Variants in ARHGEF9 observed in about 807,000 individuals in gnomAD.
The protein encoded by ARHGEF9 is rho guanine nucleotide exchange factor 9.
In ARHGEF9, 2 loss-of-function variants were observed where a neutral mutation model predicts 41.3. That is an observed-to-expected ratio of 0.05 (90% CI 0.02 to 0.15). ARHGEF9 has a LOEUF of 0.15. Among genes scored for constraint, ARHGEF9 ranks in the 10% least tolerant of loss-of-function variants. The probability of loss-of-function intolerance (pLI) is 1.00; values close to 1 mark genes in which losing one functional copy is unlikely to be tolerated. For missense variants in ARHGEF9, 225 were observed against 424.7 expected, an observed-to-expected ratio of 0.53 and a Z score of 4.13; for synonymous variants, 160 against 154.4, an observed-to-expected ratio of 1.04 and a Z score of -0.27.
intron 1 of ARHGEF9, among the ~76,000 whole-genome samples, chrX:63,753,155 A>T (rs1602710564): frequency 8.9e-6 from 1 of 112,274 alleles, no homozygotes; most frequent in South Asian, 3.7e-4. Context: ...TAACAACAGA[A>T]ACCACCACCA....
chrX:63,694,385 A>G (rs1556385170), intron 4 of ARHGEF9, among the ~76,000 whole-genome samples: 1 of 112,090 alleles, frequency 8.9e-6, no homozygotes, highest in East Asian at 2.8e-4. Context: ...ATGAAAACAT[A>G]TATTCTCAAA....
At chrX:63,682,432 G>A (rs1202096447) in intron 4 of ARHGEF9, among the ~76,000 whole-genome samples, 9 of 109,502 alleles carry the variant, frequency 8.2e-5, no homozygotes, top group East Asian at 2.9e-4. Context: ...GGAGAATGGC[G>A]TGAACCCAGG....
intron 8 of ARHGEF9, among the ~76,000 whole-genome samples, chrX:63,648,378 T>A (rs1359481575): frequency 9.0e-6 from 1 of 110,877 alleles, no homozygotes; most frequent in East Asian, 2.9e-4. Context: ...AGAAATAAAA[T>A]CCTTTACAGA....
chrX:63,773,943 T>C (rs1161535607), intron 1 of ARHGEF9, among the ~76,000 whole-genome samples: 3 of 110,535 alleles, frequency 2.7e-5, no homozygotes, highest in African/African-American at 9.9e-5. Context: ...CAGGCCTTCA[T>C]ACTAGGGCTA....
chrX:63,755,277 A>G (rs1556445932), intron 1 of ARHGEF9: 6 of 911,302 alleles, frequency 6.6e-6, no homozygotes, highest in Non-Finnish European at 4.1e-6. Context: ...CTGGCGTGCT[A>G]GCCGCGACCG....
At chrX:63,757,864 AAAAACCAAAAAAAC>A (rs2055962619) in intron 1 of ARHGEF9, among the ~76,000 whole-genome samples, 1 of 112,444 alleles carries the variant, frequency 8.9e-6, no homozygotes, top group South Asian at 3.7e-4. Context: ...CTGAAAAGCT[AAAAACCAAAAAAAC>A]TACAACAACA....
rs1465888844 is a variant in ARHGEF9 at position 63,636,153 on chromosome X, T to C, written c.*1875A>G. 15 of 112,130 alleles carry C rather than the reference T, an allele frequency of 1.3e-4. No homozygotes were observed. The highest frequency in any genetic ancestry group is 1.1e-3 in the Admixed American group (12 of 10,588). 9.2% of individuals were successfully genotyped at this position (112,130 alleles called of 1,213,427 possible). On this transcript the variant is annotated 3_prime_UTR_variant, in exon 10 of 10. Coordinates refer to ENST00000671741, the MANE Select transcript of ARHGEF9 (RefSeq NM_001353921.2). ...AGGAGGCATAGAGCAGTAAACATGC[T>C]AGCTATGCTGAAGCCTCCACACAGC...
chrX:63,705,616 C>T (rs782006087), intron 3 of ARHGEF9, among the ~76,000 whole-genome samples: 6 of 110,750 alleles, frequency 5.4e-5, no homozygotes, highest in Non-Finnish European at 1.1e-4. Context: ...ACTGAAGGAG[C>T]CCAGGTTTGT....
chrX:63,661,874 T>A (rs2049243502), intron 7 of ARHGEF9, among the ~76,000 whole-genome samples: 1 of 111,954 alleles, frequency 8.9e-6, no homozygotes, highest in Non-Finnish European at 1.9e-5. Context: ...AGGCACATTG[T>A]TGCATAATTG....
intron 1 of ARHGEF9, among the ~76,000 whole-genome samples, chrX:63,764,539 A>C (rs1452300366): frequency 3.6e-5 from 4 of 112,267 alleles, no homozygotes; most frequent in Admixed American, 2.8e-4. Context: ...CTGCAGCACT[A>C]CTCACAATCA....
At chrX:63,756,465 T>C (rs1160572073) in intron 1 of ARHGEF9, among the ~76,000 whole-genome samples, 4 of 112,505 alleles carry the variant, frequency 3.6e-5, no homozygotes, top group Non-Finnish European at 7.5e-5. Context: ...ATGTGGTATA[T>C]ACATACAATG....
chrX:63,694,668 A>G (rs1284377154), intron 4 of ARHGEF9, among the ~76,000 whole-genome samples: 2 of 112,401 alleles, frequency 1.8e-5, no homozygotes, highest in Admixed American at 1.9e-4. Context: ...AATAAAAAGG[A>G]GATCAATGTT....
chrX:63,685,832 A>C (rs1419286575), intron 4 of ARHGEF9, among the ~76,000 whole-genome samples: 4 of 112,038 alleles, frequency 3.6e-5, no homozygotes, highest in Non-Finnish European at 7.5e-5. Context: ...AAAAAATAAA[A>C]CTATATAACT....
chrX:63,701,158 A>G (rs782617123), intron 3 of ARHGEF9, among the ~76,000 whole-genome samples: 3 of 111,244 alleles, frequency 2.7e-5, no homozygotes, highest in African/African-American at 9.8e-5. Context: ...AATACCCAAG[A>G]TCTCCAGAAA....
intron 2 of ARHGEF9, chrX:63,723,013 A>C (rs1556414655): frequency 8.9e-6 from 1 of 111,856 alleles, no homozygotes; most frequent in African/African-American, 3.3e-5. Flanking sequence ...AAACTGTCCC[A>C]ACCAGGTAAC....
intron 2 of ARHGEF9, among the ~76,000 whole-genome samples, chrX:63,706,964 T>A (rs1175112323): frequency 8.9e-6 from 1 of 112,157 alleles, no homozygotes; most frequent in East Asian, 2.8e-4. Context: ...GGGAGAATAC[T>A]TCCCCACCAC....
At chrX:63,716,484 T>C (rs192840979) in intron 2 of ARHGEF9, among the ~76,000 whole-genome samples, 52 of 111,410 alleles carry the variant, frequency 4.7e-4, no homozygotes, top group South Asian at 1.9e-3. Flanking sequence ...ATCAGACTCT[T>C]AGAGGATGGG....
At chrX:63,765,183 G>A (rs1476304966) in intron 1 of ARHGEF9, among the ~76,000 whole-genome samples, 3 of 110,696 alleles carry the variant, frequency 2.7e-5, no homozygotes, top group African/African-American at 9.9e-5. Context: ...CAAAAGCAGA[G>A]TGGACAAAAT....
At chrX:63,730,565 T>A (rs1340648769) in intron 1 of ARHGEF9, among the ~76,000 whole-genome samples, 1 of 111,987 alleles carries the variant, frequency 8.9e-6, no homozygotes, top group Non-Finnish European at 1.9e-5. Context: ...TGAGTATTGA[T>A]TAGGTAGGTC....
Sources: allele counts gnomAD v4.1 joint callset (sites outside exome capture counted in the v4.1 genomes callset), GRCh38; gene constraint gnomAD v4.1.1; transcripts MANE v1.5; gene names NCBI Gene and HGNC (gene_info 2026-07-23, HGNC 2026-07-21).